The following COL1A2 variants were observed in gnomAD, a reference collection of about 807,000 sequenced individuals.
COL1A2 encodes the protein collagen type I alpha 2 chain.
In COL1A2, 49 loss-of-function variants were observed where a neutral mutation model predicts 174.3. The observed-to-expected ratio is 0.28, with a 90% CI of 0.22 to 0.36. The LOEUF (loss-of-function observed/expected upper bound fraction) is 0.36, where lower values mean the gene tolerates loss of function less well. Among genes scored for constraint, COL1A2 ranks in the 10% least tolerant of loss-of-function variants. The pLI is 1.00. For synonymous variants in COL1A2, 655 were observed against 606.6 expected, an observed-to-expected ratio of 1.08 and a Z score of -1.17; for missense variants, 1,438 against 1,822.7, an observed-to-expected ratio of 0.79 and a Z score of 3.84.
intron 51 of COL1A2, chr7:94,429,697 C>T (rs893580854): frequency 1.5e-5 from 6 of 392,744 alleles, no homozygotes; most frequent in African/African-American, 1.0e-4. Context: ...ATACTATGTC[C>T]ATGCATTGTT....
chr7:94,407,360 C>CTACTACTAA (rs1318996439), intron 12 of COL1A2, among the ~76,000 whole-genome samples: 1 of 151,910 alleles, frequency 6.6e-6, no homozygotes, highest in Admixed American at 6.6e-5. Context: ...ACTACTACTA[C>CTACTACTAA]TACCCTGGTT....
At chr7:94,415,156 A>G in intron 29 of COL1A2, 70 bp from the exon 30 acceptor site, 1 of 1,464,272 alleles carries the variant, frequency 6.8e-7, no homozygotes, top group South Asian at 1.1e-5. Context: ...AAATTTTTCA[A>G]ATATTTTAAT....
chr7:94,394,901 A>C lies in COL1A2; in HGVS notation c.-131A>C. The C allele has an allele frequency of 2.6e-6, 2 of 768,784 alleles. No individual in the cohort carries two copies. Among genetic ancestry groups the C allele is most frequent in the South Asian group, 2.8e-5 (2 of 72,706 alleles). The allele number at this position is 768,784 out of a possible 1,614,324, so 47.6% of individuals were successfully genotyped here. On this transcript the variant is annotated 5_prime_UTR_variant, in exon 1 of 52. Coordinates refer to ENST00000297268, the MANE Select transcript of COL1A2 (RefSeq NM_000089.4). ...ATCCGGGCTTTATTATTTTAGCACC[A>C]CGGCAGCAGGAGGTTTCGGCTAAGT... is the stretch of plus-strand genomic sequence containing the variant.
intron 50 of COL1A2, 70 bp downstream of exon 50, chr7:94,428,547 G>T: frequency 7.1e-7 from 1 of 1,417,552 alleles, no homozygotes; most frequent in Non-Finnish European, 9.8e-7. Flanking sequence ...TTAATTATCT[G>T]CATTTTAATC....
chr7:94,425,138 A>G lies in COL1A2; in HGVS notation c.2695A>G (p.Ile899Val), dbSNP rs1357132048. 6.2e-7 allele frequency: 1 copy of G among 1,614,024 alleles called. No individual in the cohort carries two copies. Among genetic ancestry groups the G allele is most frequent in the Admixed American group, 1.7e-5 (1 of 60,012 alleles). The change falls in exon 42 of 52, where the codon ATT (isoleucine) becomes GTT (valine). Residue 899 changes from isoleucine (I) to valine (V), a missense_variant. By Grantham distance (29) the Ile-to-Val change is conservative (BLOSUM62 3). This residue lies in a region of COL1A2 where 867 missense variants were observed against 1,213.7 expected (regional missense o/e 0.71). Coordinates refer to ENST00000297268, the MANE Select transcript of COL1A2 (RefSeq NM_000089.4). ...TTAGGGTGAACCTGGTCCTCTTGGC[A>G]TTGCCGGCCCTCCTGGGGCCCGTGG... is the stretch of plus-strand genomic sequence containing the variant. Reference protein sequence around the residue: ...GAVGEPGPLGIAGPPGARGPP... With the variant: ...GAVGEPGPLGVAGPPGARGPP...
intron 50 of COL1A2, 89 bp from the exon 51 acceptor site, chr7:94,429,099 T>TG: frequency 1.1e-6 from 1 of 908,224 alleles, no homozygotes; most frequent in Non-Finnish European, 1.6e-6. Flanking sequence ...TCCTGAGATC[T>TG]TTTTTTTTCT....
rs756968679 is a variant in COL1A2 at position 94,410,541 on chromosome 7, G to A, written c.1197+14G>A. ...CCTGGGCTGAGAGTAGGTTTCAAAT[G>A]CTCCCAACACCCTAACACACCAGAG... On this transcript the variant is annotated intron_variant, in intron 21 of 51. Transcript: ENST00000297268. The A allele has an allele frequency of 3.4e-5, 53 of 1,538,728 alleles. No individual in the cohort carries two copies. The South Asian group carries it at 5.7e-4, about 17-fold the overall frequency.
At chr7:94,412,936 G>A (rs1791958770) in intron 25 of COL1A2, 147 bp from the exon 26 acceptor site, 3 of 829,552 alleles carry the variant, frequency 3.6e-6, no homozygotes, top group Admixed American at 1.9e-5. Context: ...CATGGTGATG[G>A]ATCATCCTTA....
intron 6 of COL1A2, among the ~76,000 whole-genome samples, chr7:94,403,867 C>T (rs1791740649): frequency 6.6e-6 from 1 of 152,180 alleles, no homozygotes; most frequent in African/African-American, 2.4e-5. Flanking sequence ...CTGTTTTACC[C>T]TACTTTTGTG....
intron 51 of COL1A2, 70 bp downstream of exon 51, chr7:94,429,500 C>T (rs1343976760): frequency 2.4e-5 from 38 of 1,576,590 alleles, no homozygotes; most frequent in Non-Finnish European, 3.0e-5. Context: ...TAGACTGCCC[C>T]CAAGGGGGGG....
At chr7:94,412,197 T>G in intron 24 of COL1A2, 76 bp downstream of exon 24, 2 of 1,230,322 alleles carry the variant, frequency 1.6e-6, no homozygotes, top group Non-Finnish European at 2.4e-6. Flanking sequence ...TGTGGCTTAT[T>G]TATACATGAA....
rs757502295 is a variant in COL1A2 at position 94,429,270 on chromosome 7, C to G, written c.3794C>G (p.Ser1265Cys). ...ATGCGCCTGCTGGCCAACTATGCCT[C>G]TCAGAACATCACCTACCACTGCAAG... ...AFMRLLANYA[S>C]QNITYHCKNS... Residue 1265 changes from serine to cysteine, a missense_variant, in exon 51 of 52, where the codon TCT (serine) becomes TGT (cysteine). Physicochemically the swap from Ser to Cys is moderately radical, Grantham distance 112. This residue lies in a region of COL1A2 where 290 missense variants were observed against 298.1 expected (regional missense o/e 0.97). Coordinates refer to ENST00000297268, the MANE Select transcript of COL1A2 (RefSeq NM_000089.4). 3.7e-6 allele frequency: 6 copies of G among 1,614,072 alleles called. No homozygotes were observed. In the East Asian group the frequency reaches 1.3e-4, roughly 36 times the overall value.
rs758673298 is a variant in COL1A2, at chr7:94,416,466, G to A, written c.1826G>A (p.Arg609Gln). The change falls in exon 31 of 52, where the codon CGA (arginine) becomes CAA (glutamine). Residue 609 changes from arginine to glutamine, a missense_variant. Coordinates refer to ENST00000297268, the MANE Select transcript of COL1A2 (RefSeq NM_000089.4). ...AAGPTGPIGSRGPSGPPGPDG... is the reference protein window; with the variant it reads ...AAGPTGPIGSQGPSGPPGPDG... Reference sequence around the variant, plus strand: ...GGTCCTACTGGTCCTATTGGAAGCCGAGGTCCTTCTGGACCCCCAGGGCCT... The same window carrying A: ...GGTCCTACTGGTCCTATTGGAAGCCAAGGTCCTTCTGGACCCCCAGGGCCT... 1.3e-5 allele frequency: 21 copies of A among 1,584,840 alleles called. No individual in the cohort carries two copies. In the South Asian group the frequency reaches 1.7e-4, roughly 13 times the overall value.
chr7:94,423,380 G>C (rs1237138963), intron 40 of COL1A2: 2 of 476,138 alleles, frequency 4.2e-6, no homozygotes, highest in Non-Finnish European at 7.7e-6. Context: ...GCACCTTACT[G>C]GTACCAGGAT....
intron 40 of COL1A2, chr7:94,424,032 G>A: frequency 2.9e-6 from 1 of 344,958 alleles, no homozygotes; most frequent in Non-Finnish European, 5.5e-6. Flanking sequence ...TTTTTTATTT[G>A]TTTCCCTGCC....
At chr7:94,407,117 G>C (rs746673050) in intron 12 of COL1A2, among the ~76,000 whole-genome samples, 1 of 152,094 alleles carries the variant, frequency 6.6e-6, no homozygotes, top group Non-Finnish European at 1.5e-5. Flanking sequence ...CTGAGGCTTC[G>C]TGAGAGCAAT....
At chr7:94,428,844 C>G (rs1350059577) in intron 50 of COL1A2, among the ~76,000 whole-genome samples, 2 of 152,198 alleles carry the variant, frequency 1.3e-5, no homozygotes, top group Non-Finnish European at 2.9e-5. Context: ...TGAATGCCTA[C>G]TGGAATTCCA....
rs563466331 is a variant in COL1A2 at position 94,419,031 on chromosome 7, G to A, written c.2026-467G>A. 2.7e-5 allele frequency among the ~76,000 whole-genome samples: 4 copies of A among 148,926 alleles called. No individual in the cohort carries two copies. The Middle Eastern group carries it at 0.014, about 507-fold the overall frequency. On this transcript the variant is annotated intron_variant, in intron 33 of 51. Transcript: ENST00000297268. ...ATGAAGATGCCAAAGATAATCCCAT[G>A]ACAGTCTAATTACCTTATCTCGTAT...
chr7:94,421,748 T>C, intron 38 of COL1A2, 151 bp from the exon 39 acceptor site: 2 of 695,672 alleles, frequency 2.9e-6, no homozygotes, highest in Non-Finnish European at 5.1e-6. Context: ...GGGTCCTGGC[T>C]AAATAATGCC....
Sources: gnomAD v4.1 joint callset for allele counts (sites outside exome capture counted in the v4.1 genomes callset) on GRCh38, gnomAD v4.1.1 for gene constraint, gnomAD v4.1.1 regional missense constraint, MANE v1.5 for transcripts, NCBI Gene and HGNC (gene_info 2026-07-23, HGNC 2026-07-21) for gene names.